LAMC2: variants seen among roughly 807,000 people sequenced by gnomAD.
The protein encoded by LAMC2 is laminin subunit gamma-2.
A neutral mutation model predicts 140.2 loss-of-function variants in LAMC2; 97 were observed. The ratio of observed to expected loss-of-function variants is 0.69; its 90% CI spans 0.59 to 0.82. The LOEUF is 0.82. Among genes scored for constraint, LAMC2 ranks in the 40% least tolerant of loss-of-function variants. LAMC2 has a pLI of 0.00. For missense variants in LAMC2, 1,402 were observed against 1,476.1 expected (o/e 0.95, Z 0.82); for synonymous variants, 513 against 540.2 (o/e 0.95, Z 0.70).
At chr1:183,249,938 A>G (rs1009322063), downstream of LAMC2, 1 of 152,000 alleles carries the variant, frequency 6.6e-6, no homozygotes, top group Non-Finnish European at 1.5e-5. Flanking sequence ...CCCCACTCCC[A>G]CATGCTTTCG....
chr1:183,233,894 T>C (rs1015506403), intron 14 of LAMC2, among the ~76,000 whole-genome samples: 2 of 151,776 alleles, frequency 1.3e-5, no homozygotes, highest in Admixed American at 6.6e-5. Flanking sequence ...TTTTTTCTTT[T>C]TTTTTTTTCG....
Position 183,213,926 on chromosome 1 carries a change from G to A in LAMC2, c.269-1527G>A, listed in dbSNP as rs564083240. ...ACTAAAAATACAAAACTAGCTGGGC[G>A]TGGTGGCGCATGCCTGTAATCCCAG... is the stretch of plus-strand genomic sequence containing the variant. On this transcript the variant is annotated intron_variant, in intron 2 of 22. Coordinates refer to ENST00000264144, the MANE Select transcript of LAMC2 (RefSeq NM_005562.3). 8.6e-5 allele frequency among the ~76,000 whole-genome samples: 13 copies of A among 152,046 alleles called. No individual in the cohort carries two copies. The East Asian group carries it at 9.7e-4, about 11-fold the overall frequency.
chr1:183,235,045 T>C (rs573597809), intron 15 of LAMC2, among the ~76,000 whole-genome samples: 2 of 152,364 alleles, frequency 1.3e-5, no homozygotes, highest in East Asian at 3.9e-4. Context: ...TTGTATATTT[T>C]GTAACATGAG....
intron 1 of LAMC2, among the ~76,000 whole-genome samples, chr1:183,199,074 T>C (rs915519634): frequency 2.6e-5 from 4 of 151,650 alleles, no homozygotes; most frequent in South Asian, 2.1e-4. Flanking sequence ...GATTTCTGTA[T>C]GTTCAGGTTC....
At chr1:183,250,442 T>G in the LAMC2 span, 1 of 152,306 alleles carries the variant, frequency 6.6e-6, no homozygotes, top group Non-Finnish European at 1.5e-5. Flanking sequence ...GGGACAGATA[T>G]AATTTAAAAG....
At chr1:183,201,162 T>G (rs968388913) in intron 1 of LAMC2, among the ~76,000 whole-genome samples, 2 of 152,114 alleles carry the variant, frequency 1.3e-5, no homozygotes, top group Non-Finnish European at 2.9e-5. Context: ...TGTCCCTGGC[T>G]TTGTACCAAT....
intron 11 of LAMC2, among the ~76,000 whole-genome samples, chr1:183,230,190 C>T (rs1259973689): frequency 6.6e-6 from 1 of 152,208 alleles, no homozygotes; most frequent in Non-Finnish European, 1.5e-5. Flanking sequence ...TTATCAAGCA[C>T]ATACCATGTA....
intron 2 of LAMC2, 34 bp downstream of exon 2, chr1:183,208,103 A>G: frequency 6.4e-7 from 1 of 1,564,154 alleles, no homozygotes; most frequent in South Asian, 1.1e-5. Flanking sequence ...GGAGAGGGAG[A>G]TGGAGCAGTG....
Position 183,243,358 on chromosome 1 carries a change from G to T in LAMC2, c.3540G>T (p.Leu1180=), listed in dbSNP as rs779495102. 1.2e-6 allele frequency: 2 copies of T among 1,614,166 alleles called. No individual in the cohort carries two copies. Among genetic ancestry groups the T allele is most frequent in the Non-Finnish European group, 1.7e-6 (2 of 1,180,026 alleles). The change falls in exon 23 of 23, where the codon CTG becomes CTT. Residue 1180 remains leucine (L), a synonymous_variant. Coordinates refer to ENST00000264144, the MANE Select transcript of LAMC2 (RefSeq NM_005562.3). ...VKNLENIRDN[L]PPGCYNTQAL... ...ACTTGGAGAACATTAGGGACAACCTGCCCCCAGGCTGCTACAATACCCAGG... is the reference window on the plus strand; with the variant it reads ...ACTTGGAGAACATTAGGGACAACCTTCCCCCAGGCTGCTACAATACCCAGG...
At chr1:183,247,651 A>G (rs189792545), downstream of LAMC2, among the ~76,000 whole-genome samples, 49 of 152,368 alleles carry the variant, frequency 3.2e-4, no homozygotes, top group African/African-American at 1.2e-3. Context: ...CTAATAGGGA[A>G]TTACTGTTTC....
chr1:183,235,808 G>A, intron 16 of LAMC2, 78 bp downstream of exon 16: 2 of 1,449,608 alleles, frequency 1.4e-6, no homozygotes, highest in Non-Finnish European at 1.9e-6. Flanking sequence ...TACTTGAGGG[G>A]CACCATGCTA....
intron 1 of LAMC2, among the ~76,000 whole-genome samples, chr1:183,191,569 T>C (rs559476): frequency 0.57 from 85,855 of 150,562 alleles, 25,195 homozygotes; most frequent in East Asian, 0.73. Flanking sequence ...TAGAGATCAG[T>C]GTAGAGGGCT....
downstream of LAMC2, among the ~76,000 whole-genome samples, chr1:183,247,267 G>T (rs897359211): frequency 6.6e-6 from 1 of 152,130 alleles, no homozygotes; most frequent in Admixed American, 6.5e-5. Context: ...AACCGAGATC[G>T]CGCCATTGCA....
At chr1:183,223,859 T>C (rs1045123682) in intron 7 of LAMC2, among the ~76,000 whole-genome samples, 1 of 152,094 alleles carries the variant, frequency 6.6e-6, no homozygotes, top group Non-Finnish European at 1.5e-5. Context: ...TGGCTTTGTG[T>C]GTGTCTACAG....
chr1:183,223,243 G>T lies in LAMC2; in HGVS notation c.872G>T (p.Gly291Val), dbSNP rs764210910. 8.7e-6 allele frequency: 14 copies of T among 1,614,086 alleles called. No individual in the cohort carries two copies. The highest frequency in any genetic ancestry group is 1.7e-5 in the Admixed American group (1 of 60,014). The change falls in exon 7 of 23, where the codon GGT becomes GTT. Residue 291 changes from glycine (G) to valine (V), a missense_variant. Coordinates refer to ENST00000264144, the MANE Select transcript of LAMC2 (RefSeq NM_005562.3). Reference protein sequence around the residue: ...HPSAHDVILEGAGLRITAPLM... With the variant: ...HPSAHDVILEVAGLRITAPLM... The stretch of plus-strand genomic sequence containing the variant: ...TCTGCCCATGATGTGATTCTGGAAG[G>T]TGCTGGTCTACGGATCACAGCTCCC...
At position 183,235,595 on chromosome 1, in the gene LAMC2, A is replaced by G. The variant is rs1659929724; in HGVS notation, c.2321A>G (p.Asn774Ser). 2.5e-6 allele frequency: 4 copies of G among 1,614,114 alleles called. No individual in the cohort carries two copies. The South Asian group carries it at 4.4e-5, about 18-fold the overall frequency. Residue 774 changes from asparagine (N) to serine (S), a missense_variant, in exon 16 of 23, where the codon AAC becomes AGC. Transcript: ENST00000264144. ...TTCAGCCACGTTGAGTCAGCCAGTA[A>G]CATGGAGCAACTGACAAGGGAAACT... The part of the protein sequence containing the change: ...LAESHVESAS[N>S]MEQLTRETED...
At chr1:183,242,773 C>G (rs1660162829) in intron 22 of LAMC2, among the ~76,000 whole-genome samples, 1 of 151,888 alleles carries the variant, frequency 6.6e-6, no homozygotes, top group Non-Finnish European at 1.5e-5. Flanking sequence ...TGATTCTAAT[C>G]CTAGCAGTGA....
intron 6 of LAMC2, 143 bp from the exon 7 acceptor site, chr1:183,222,992 A>AG: frequency 1.4e-6 from 1 of 710,098 alleles, no homozygotes; most frequent in Non-Finnish European, 2.5e-6. Flanking sequence ...GTCCAGTACC[A>AG]GGTCCTGACT....
intron 22 of LAMC2, among the ~76,000 whole-genome samples, chr1:183,241,776 GA>G (rs368800123): frequency 9.5e-5 from 13 of 137,538 alleles, no homozygotes; most frequent in East Asian, 2.1e-4. Flanking sequence ...AAAGGATTGA[GA>G]AAAAAAAAAG....
Sources: gnomAD v4.1 joint callset for allele counts (sites outside exome capture counted in the v4.1 genomes callset) on GRCh38, gnomAD v4.1.1 for gene constraint, MANE v1.5 for transcripts, NCBI Gene and HGNC (gene_info 2026-07-23, HGNC 2026-07-21) for gene names.